The following CFAP44 variants were observed in gnomAD, a reference collection of about 807,000 sequenced individuals.
CFAP44 encodes the protein cilia- and flagella-associated protein 44.
In CFAP44, 134 loss-of-function variants were observed where a neutral mutation model predicts 216.2. That is an observed-to-expected ratio of 0.62 (90% CI 0.54 to 0.72). The LOEUF is 0.72. Ranked by LOEUF, CFAP44 falls within the 30% of genes least tolerant of loss-of-function variation. CFAP44 has a pLI of 0.00. For synonymous variants in CFAP44, 700 were observed against 727.6 expected, an observed-to-expected ratio of 0.96 and a Z score of 0.61; for missense variants, 2,035 against 2,182.1, an observed-to-expected ratio of 0.93 and a Z score of 1.34.
At chr3:113,297,037 G>A in intron 32 of CFAP44, 152 bp from the exon 33 acceptor site, 1 of 921,678 alleles carries the variant, frequency 1.1e-6, no homozygotes, top group Non-Finnish European at 1.7e-6. Context: ...TTTTTCTGCT[G>A]CTTTCCTCAT....
At chr3:113,402,270 C>A (rs1934163932) in intron 9 of CFAP44, among the ~76,000 whole-genome samples, 1 of 152,206 alleles carries the variant, frequency 6.6e-6, no homozygotes, top group Non-Finnish European at 1.5e-5. Flanking sequence ...TTTACTATCT[C>A]ATTGGGAAAA....
Position 113,308,032 on chromosome 3 carries a change from A to G in CFAP44, c.4627+126T>C, listed in dbSNP as rs961813300. 1.0e-5 allele frequency: 7 copies of G among 678,518 alleles called. No homozygotes were observed. In the African/African-American group the frequency reaches 1.1e-4, roughly 11 times the overall value. The allele number at this position is 678,518 out of a possible 1,614,324, so 42.0% of individuals were successfully genotyped here. A position where few individuals can be genotyped will look rare whatever the true frequency, so the allele number is the denominator to read the frequency against. ...TAAAAAAAGGTATTCATTAGACTCTATAACATACATTTTGAACTATCCTTT... is the reference window on the plus strand; with the variant it reads ...TAAAAAAAGGTATTCATTAGACTCTGTAACATACATTTTGAACTATCCTTT... On this transcript the variant is annotated intron_variant, in intron 29 of 34. Coordinates refer to ENST00000393845, the MANE Select transcript of CFAP44 (RefSeq NM_001164496.2).
At chr3:113,300,618 A>G (rs1400718768) in intron 32 of CFAP44, among the ~76,000 whole-genome samples, 1 of 152,022 alleles carries the variant, frequency 6.6e-6, no homozygotes, top group African/African-American at 2.4e-5. Context: ...CCAACAAAGG[A>G]TTAGTATCAA....
chr3:113,336,121 T>A (rs993037815), intron 24 of CFAP44, among the ~76,000 whole-genome samples: 2 of 152,082 alleles, frequency 1.3e-5, no homozygotes, highest in Non-Finnish European at 2.9e-5. Flanking sequence ...AAGAAGGGCA[T>A]AGAATCAAAG....
chr3:113,380,945 A>G lies in CFAP44; in HGVS notation c.2006T>C (p.Met669Thr). The G allele has an allele frequency of 6.3e-7, 1 of 1,594,602 alleles. No individual in the cohort carries two copies. The highest frequency in any genetic ancestry group is 8.5e-7 in the Non-Finnish European group (1 of 1,170,856). ...HDVVSYEIKD[M>T]CIKCFHFSSV... Reference sequence around the variant, plus strand: ...TGAAAAATGGAAACATTTTATGCACATGTCTTTGATTTCATAGGAGACTAC... The same window carrying G: ...TGAAAAATGGAAACATTTTATGCACGTGTCTTTGATTTCATAGGAGACTAC... The change falls in exon 16 of 35, where the codon ATG becomes ACG. Residue 669 changes from methionine to threonine, a missense_variant. Coordinates refer to ENST00000393845, the MANE Select transcript of CFAP44 (RefSeq NM_001164496.2).
chr3:113,422,022 T>A (rs1365751176), intron 4 of CFAP44, among the ~76,000 whole-genome samples: 3 of 152,324 alleles, frequency 2.0e-5, no homozygotes, highest in South Asian at 2.1e-4. Flanking sequence ...TATAAAAATC[T>A]AAGTTATATA....
intron 25 of CFAP44, among the ~76,000 whole-genome samples, chr3:113,332,557 G>C (rs1358969590): frequency 6.6e-6 from 1 of 152,158 alleles, no homozygotes; most frequent in Non-Finnish European, 1.5e-5. Flanking sequence ...ATTAGGTTAC[G>C]ATGTATCGAG....
chr3:113,406,638 A>T (rs1934289293), intron 8 of CFAP44, among the ~76,000 whole-genome samples: 2 of 151,776 alleles, frequency 1.3e-5, no homozygotes, highest in Admixed American at 1.3e-4. Context: ...AAAAAAAAAA[A>T]GTAACAAATA....
intron 24 of CFAP44, among the ~76,000 whole-genome samples, chr3:113,334,453 G>T (rs1314206749): frequency 6.6e-6 from 1 of 152,126 alleles, no homozygotes; most frequent in Non-Finnish European, 1.5e-5. Context: ...CAGTGACACT[G>T]ATCCATTTCT....
chr3:113,385,216 C>T (rs563057866), intron 15 of CFAP44, among the ~76,000 whole-genome samples: 1 of 152,300 alleles, frequency 6.6e-6, no homozygotes, highest in South Asian at 2.1e-4. Flanking sequence ...TCCATTAAAC[C>T]TCTTTTTATT....
intron 31 of CFAP44, among the ~76,000 whole-genome samples, chr3:113,304,457 T>C (rs1949966543): frequency 6.6e-6 from 1 of 152,240 alleles, no homozygotes. Flanking sequence ...AAAACATATA[T>C]AAGGCTGATC....
At position 113,305,107 on chromosome 3, in the gene CFAP44, C is replaced by T; in HGVS notation, c.4804G>A (p.Glu1602Lys). 6.5e-7 allele frequency: 1 copy of T among 1,537,242 alleles called. No homozygotes were observed. Among genetic ancestry groups the T allele is most frequent in the Non-Finnish European group, 8.7e-7 (1 of 1,146,914 alleles). Residue 1602 changes from glutamate to lysine, a missense_variant, in exon 31 of 35, where the codon GAG becomes AAG. Physicochemically the swap from Glu to Lys is moderately conservative, Grantham distance 56. Transcript: ENST00000393845. The stretch of plus-strand genomic sequence containing the variant: ...TGCTGCTTCTCTCGCTGATAAGCCT[C>T]CAGGGCCTCCTCTGCTGCATTCAGA... ...TNLNAAEEAL[E>K]AYQREKQQRL...
At chr3:113,427,361 A>C (rs759131732) in intron 2 of CFAP44, 22 bp from the exon 3 acceptor site, 1 of 1,553,558 alleles carries the variant, frequency 6.4e-7, no homozygotes. Flanking sequence ...TGTTTTAATA[A>C]CTTCTAAATT....
At chr3:113,307,086 A>G (rs1949992646) in intron 29 of CFAP44, among the ~76,000 whole-genome samples, 1 of 152,224 alleles carries the variant, frequency 6.6e-6, no homozygotes, top group South Asian at 2.1e-4. Flanking sequence ...CCGTTCATCT[A>G]TTGAGACTGC....
chr3:113,319,392 C>T (rs1179415643), intron 28 of CFAP44, among the ~76,000 whole-genome samples: 5 of 152,100 alleles, frequency 3.3e-5, no homozygotes, highest in Admixed American at 2.0e-4. Context: ...CTTAACTATC[C>T]GAAATATATA....
At chr3:113,387,574 G>A (rs1352758939) in intron 15 of CFAP44, among the ~76,000 whole-genome samples, 1 of 152,104 alleles carries the variant, frequency 6.6e-6, no homozygotes, top group Non-Finnish European at 1.5e-5. Context: ...CCTTGGATGA[G>A]ACTCTGGGAC....
intron 17 of CFAP44, among the ~76,000 whole-genome samples, chr3:113,374,892 T>C (rs1933291202): frequency 6.6e-6 from 1 of 152,192 alleles, no homozygotes. Context: ...CGCCTTGACC[T>C]CCTAAAGTGC....
chr3:113,304,828 G>T (rs2270783), intron 31 of CFAP44, among the ~76,000 whole-genome samples: 38,536 of 152,070 alleles, frequency 0.25, 5,141 homozygotes, highest in African/African-American at 0.34. Context: ...AAGTGCTAAT[G>T]GGCCACAGGG....
chr3:113,377,165 G>A (rs1045991010), intron 17 of CFAP44, among the ~76,000 whole-genome samples: 2 of 152,198 alleles, frequency 1.3e-5, no homozygotes, highest in East Asian at 3.8e-4. Context: ...TGCTTGAGGG[G>A]AGAAGAAAGA....
Sources: allele counts gnomAD v4.1 joint callset (sites outside exome capture counted in the v4.1 genomes callset), GRCh38; gene constraint gnomAD v4.1.1; transcripts MANE v1.5; gene names NCBI Gene and HGNC (gene_info 2026-07-23, HGNC 2026-07-21).